The following WWOX variants were observed in gnomAD, a reference collection of about 807,000 sequenced individuals.
WWOX encodes the protein WW domain-containing oxidoreductase.
A neutral mutation model predicts 46.2 loss-of-function variants in WWOX; 69 were observed. The ratio of observed to expected loss-of-function variants is 1.49; its 90% CI spans 1.23 to 1.82. The LOEUF is 1.82. Among genes scored for constraint, WWOX ranks in the 40% most tolerant of loss-of-function variants. The probability of loss-of-function intolerance (pLI) is 0.00; values close to 1 mark genes in which losing one functional copy is unlikely to be tolerated. For missense variants in WWOX, 919 were observed against 542.6 expected (o/e 1.69, Z -6.89); for synonymous variants, 359 against 202.6 (o/e 1.77, Z -6.56).
At chr16:78,877,427 C>G (rs561898586) in intron 8 of WWOX, among the ~76,000 whole-genome samples, 1 of 152,104 alleles carries the variant, frequency 6.6e-6, no homozygotes, top group African/African-American at 2.4e-5. Context: ...AGTATTCTTC[C>G]ACGTAGCACC....
chr16:78,840,592 A>G (rs77947239), intron 8 of WWOX, among the ~76,000 whole-genome samples: 2,923 of 152,180 alleles, frequency 0.019, 104 homozygotes, highest in African/African-American at 0.067. Flanking sequence ...AAAACTCAGT[A>G]TCTACTCTAG....
intron 8 of WWOX, among the ~76,000 whole-genome samples, chr16:79,036,880 G>T (rs1156589629): frequency 6.6e-6 from 1 of 152,226 alleles, no homozygotes; most frequent in Non-Finnish European, 1.5e-5. Context: ...TTCAGTGGAA[G>T]TGCCAAAGGG....
At chr16:78,608,633 C>T (rs770457536) in intron 8 of WWOX, among the ~76,000 whole-genome samples, 2 of 152,172 alleles carry the variant, frequency 1.3e-5, no homozygotes, top group Admixed American at 6.5e-5. Context: ...GCAGGGTCAC[C>T]AACCCGTTCC....
rs973480657 is a variant in WWOX, at chr16:78,877,322, A to AGG, written c.1057-334286_1057-334285insGG. Among the ~76,000 whole-genome samples the AGG allele has an allele frequency of 3.5e-5, 5 of 141,808 alleles. No homozygotes were observed. In the East Asian group the frequency reaches 6.5e-4, roughly 18 times the overall value. 93.0% of individuals were successfully genotyped at this position (141,808 alleles called of 152,430 possible). ...TGCCTCCCCCCTGTGAGCTTTTTCC[A>AGG]CCTACTGGCCTCTTGTTCTTCTTCA... is the stretch of plus-strand genomic sequence containing the variant. On this transcript the variant is annotated intron_variant, in intron 8 of 8. Coordinates refer to ENST00000566780, the MANE Select transcript of WWOX (RefSeq NM_016373.4).
intron 5 of WWOX, among the ~76,000 whole-genome samples, chr16:78,256,957 G>A (rs2038148638): frequency 6.6e-6 from 1 of 152,060 alleles, no homozygotes; most frequent in Admixed American, 6.6e-5. Flanking sequence ...AGTCAGACAG[G>A]TCTAGATGCA....
intron 8 of WWOX, among the ~76,000 whole-genome samples, chr16:79,200,310 A>C (rs1306291370): frequency 6.6e-6 from 1 of 152,192 alleles, no homozygotes; most frequent in African/African-American, 2.4e-5. Flanking sequence ...GCAGGAAATA[A>C]GTATCCCGCT....
intron 8 of WWOX, among the ~76,000 whole-genome samples, chr16:78,867,508 GTGTA>G (rs1431292258): frequency 6.6e-5 from 10 of 151,112 alleles, no homozygotes; most frequent in Non-Finnish European, 1.5e-5. Context: ...GTGTGTGTGT[GTGTA>G]TGTGTGTGTG....
At chr16:78,910,878 A>T (rs2045092207) in intron 8 of WWOX, among the ~76,000 whole-genome samples, 1 of 152,066 alleles carries the variant, frequency 6.6e-6, no homozygotes, top group African/African-American at 2.4e-5. Context: ...TTGGGTGGGG[A>T]CACAGCCAAA....
chr16:78,904,520 AGCCACCGGCCTG>A (rs1415216033), intron 8 of WWOX, among the ~76,000 whole-genome samples: 1 of 151,904 alleles, frequency 6.6e-6, no homozygotes, highest in Admixed American at 6.6e-5. Flanking sequence ...TACAGGCATG[AGCCACCGGCCTG>A]GCCATAAATG....
intron 8 of WWOX, among the ~76,000 whole-genome samples, chr16:78,618,835 C>T (rs1342938489): frequency 6.6e-6 from 1 of 151,782 alleles, no homozygotes; most frequent in African/African-American, 2.4e-5. Context: ...TGACCAATCA[C>T]TCAGACCCAG....
chr16:78,615,751 T>C (rs984085010), intron 8 of WWOX, among the ~76,000 whole-genome samples: 2 of 151,416 alleles, frequency 1.3e-5, no homozygotes, highest in African/African-American at 4.9e-5. Flanking sequence ...ATCAATAGGA[T>C]AATTTTTTTT....
At chr16:78,529,443 C>T (rs2738487) in intron 8 of WWOX, among the ~76,000 whole-genome samples, 127,267 of 151,928 alleles carry the variant, frequency 0.84, 54,226 homozygotes, top group East Asian at 1. Flanking sequence ...TGGGCTCTTT[C>T]TGGACCTCTT....
intron 4 of WWOX, among the ~76,000 whole-genome samples, chr16:78,137,486 C>G (rs1466434551): frequency 6.6e-6 from 1 of 152,120 alleles, no homozygotes; most frequent in Admixed American, 6.5e-5. Flanking sequence ...TTGTGTTAGT[C>G]CATGAGGAAT....
Position 78,455,084 on chromosome 16 carries a change from G to C in WWOX, c.1056+22332G>C, listed in dbSNP as rs528960494. Among the ~76,000 whole-genome samples the C allele has an allele frequency of 7.4e-4, 113 of 152,324 alleles. 1 individual carries two copies. Among genetic ancestry groups the C allele is most frequent in the South Asian group, 1.7e-3 (8 of 4,832 alleles). On this transcript the variant is annotated intron_variant, in intron 8 of 8. Coordinates refer to ENST00000566780, the MANE Select transcript of WWOX (RefSeq NM_016373.4). ...GGATGGAGATGGGAAGAATGTGAAA[G>C]GGAGGTGAGATGAGCAGCACTGGGA...
At chr16:78,716,441 TCCTGCCAAATGCTG>T (rs1370091322) in intron 8 of WWOX, among the ~76,000 whole-genome samples, 1 of 152,158 alleles carries the variant, frequency 6.6e-6, no homozygotes, top group Admixed American at 6.5e-5. Context: ...GGATGAATGC[TCCTGCCAAATGCTG>T]CCTGCCCTTC....
intron 8 of WWOX, chr16:78,825,847 C>T (rs1702673948): frequency 1.6e-6 from 1 of 627,632 alleles, no homozygotes; most frequent in Non-Finnish European, 2.9e-6. Flanking sequence ...TCATGCTGCC[C>T]TGGGACCCCG....
intron 8 of WWOX, among the ~76,000 whole-genome samples, chr16:78,711,306 C>G (rs959432775): frequency 2.0e-5 from 3 of 152,152 alleles, no homozygotes; most frequent in Admixed American, 6.5e-5. Flanking sequence ...AAGACATTTA[C>G]TATTTCTATG....
At chr16:78,201,592 T>G (rs945266958) in intron 5 of WWOX, among the ~76,000 whole-genome samples, 1 of 152,184 alleles carries the variant, frequency 6.6e-6, no homozygotes, top group African/African-American at 2.4e-5. Context: ...AGGTTGTGTT[T>G]GTGGGATTAT....
At chr16:78,965,278 G>C (rs1212484517) in intron 8 of WWOX, among the ~76,000 whole-genome samples, 1 of 152,150 alleles carries the variant, frequency 6.6e-6, no homozygotes, top group African/African-American at 2.4e-5. Context: ...TAAATCACTA[G>C]TAAAATTTGG....
Sources: gnomAD v4.1 joint callset for allele counts (sites outside exome capture counted in the v4.1 genomes callset) on GRCh38, gnomAD v4.1.1 for gene constraint, MANE v1.5 for transcripts, NCBI Gene and HGNC (gene_info 2026-07-23, HGNC 2026-07-21) for gene names.